The following TSHR variants were observed in gnomAD, a reference collection of about 807,000 sequenced individuals.
TSHR encodes the protein thyrotropin receptor.
TSHR carries 51 observed loss-of-function variants against 64.1 expected under a neutral mutation model. The observed-to-expected ratio is 0.80, with a 90% CI of 0.64 to 1.01. The LOEUF is 1.01. Ranked by LOEUF, TSHR falls within the 50% of genes least tolerant of loss-of-function variation. The pLI is 0.00. For synonymous variants in TSHR, 361 were observed against 361.9 expected (o/e 1.00, Z 0.03); for missense variants, 877 against 942.8 (o/e 0.93, Z 0.91).
chr14:80,982,149 G>A, intron 1 of TSHR: 1 of 578,688 alleles, frequency 1.7e-6, no homozygotes, highest in South Asian at 2.0e-5. Context: ...GACAGATGCA[G>A]TGGCAGAGAT....
Position 81,008,179 on chromosome 14 carries a change from T to A in TSHR, c.170+52329T>A, listed in dbSNP as rs1210062110. The stretch of plus-strand genomic sequence containing the variant: ...TGTAGACCATTTTCTTTCTTTCTTT[T>A]TTTTTTTTTTTGAGATGGAGTCTCG... On this transcript the variant is annotated intron_variant, in intron 1 of 9. Coordinates refer to ENST00000298171, the MANE Select transcript of TSHR (RefSeq NM_000369.5). 2.7e-4 allele frequency among the ~76,000 whole-genome samples: 41 copies of A among 150,766 alleles called. 1 individual carries two copies. Among genetic ancestry groups the A allele is most frequent in the Admixed American group, 2.6e-3 (40 of 15,160 alleles).
At chr14:81,132,641 G>A (rs977134705) in intron 8 of TSHR, among the ~76,000 whole-genome samples, 2 of 152,152 alleles carry the variant, frequency 1.3e-5, no homozygotes, top group Non-Finnish European at 2.9e-5. Flanking sequence ...ACTCAGCTCA[G>A]CTGCATTCTG....
At chr14:81,119,454 A>T (rs1890690065) in intron 8 of TSHR, among the ~76,000 whole-genome samples, 1 of 142,422 alleles carries the variant, frequency 7.0e-6, no homozygotes, top group Admixed American at 6.9e-5. Context: ...GCCATCAGAG[A>T]AATGCAAATC....
intron 1 of TSHR, chr14:80,991,618 G>A (rs1888728949): frequency 2.5e-6 from 1 of 398,438 alleles, no homozygotes; most frequent in African/African-American, 2.1e-5. Context: ...TTAAATCCCA[G>A]TCAAGAGGAA....
Position 81,143,186 on chromosome 14 carries a change from G to T in TSHR, c.1128G>T (p.Glu376Asp). Residue 376 changes from glutamate (E) to aspartate (D), a missense_variant, in exon 10 of 10, where the codon GAG becomes GAT. Physicochemically the swap from Glu to Asp is conservative, Grantham distance 45. Coordinates refer to ENST00000298171, the MANE Select transcript of TSHR (RefSeq NM_000369.5). ...FGQELKNPQE[E>D]TLQAFDSHYD... ...AGGAGCTCAAAAACCCCCAGGAAGA[G>T]ACTCTACAAGCTTTTGACAGCCATT... 2.5e-6 allele frequency: 4 copies of T among 1,614,182 alleles called. No homozygotes were observed. Among genetic ancestry groups the T allele is most frequent in the Non-Finnish European group, 3.4e-6 (4 of 1,180,034 alleles).
intron 1 of TSHR, among the ~76,000 whole-genome samples, chr14:80,969,031 G>T (rs958204926): frequency 6.6e-6 from 1 of 152,172 alleles, no homozygotes; most frequent in Non-Finnish European, 1.5e-5. Flanking sequence ...GTGATGGTGA[G>T]ATGAGCCAAT....
chr14:81,131,045 G>A (rs1891227030), intron 8 of TSHR, among the ~76,000 whole-genome samples: 1 of 150,300 alleles, frequency 6.7e-6, no homozygotes, highest in African/African-American at 2.4e-5. Context: ...GTCACCATCT[G>A]GATGTCTAAT....
At chr14:81,093,737 C>T (rs1034798574) in intron 6 of TSHR, 2 of 152,074 alleles carry the variant, frequency 1.3e-5, no homozygotes, top group African/African-American at 4.8e-5. Flanking sequence ...GTGAGCGGTC[C>T]CTTGAAAAGA....
At chr14:81,072,621 C>T (rs796253865) in intron 3 of TSHR, among the ~76,000 whole-genome samples, 2 of 152,176 alleles carry the variant, frequency 1.3e-5, no homozygotes, top group East Asian at 1.9e-4. Flanking sequence ...TTTACATTAA[C>T]TGCATTAAAT....
chr14:81,114,245 T>G (rs1181595408), intron 8 of TSHR, among the ~76,000 whole-genome samples: 2 of 151,960 alleles, frequency 1.3e-5, no homozygotes, highest in South Asian at 4.2e-4. Flanking sequence ...GACGGGTGAT[T>G]TCTGCATTTC....
chr14:81,108,749 T>A (rs768794400), intron 8 of TSHR: 48 of 1,609,110 alleles, frequency 3.0e-5, no homozygotes, highest in Non-Finnish European at 4.0e-5. Context: ...AGCTGCTGTT[T>A]GAAAAATTTT....
At chr14:81,127,962 G>A (rs964946371) in intron 8 of TSHR, among the ~76,000 whole-genome samples, 1 of 152,154 alleles carries the variant, frequency 6.6e-6, no homozygotes, top group African/African-American at 2.4e-5. Flanking sequence ...TCACTGTGTG[G>A]TAGAATGCTG....
chr14:80,973,249 CAA>C (rs1256946968), intron 1 of TSHR, among the ~76,000 whole-genome samples: 1 of 151,484 alleles, frequency 6.6e-6, no homozygotes, highest in Non-Finnish European at 1.5e-5. Flanking sequence ...ACTAAAAATA[CAA>C]AAAATTAGCC....
At chr14:81,099,755 A>G (rs1889451910) in intron 7 of TSHR, among the ~76,000 whole-genome samples, 1 of 152,220 alleles carries the variant, frequency 6.6e-6, no homozygotes, top group South Asian at 2.1e-4. Context: ...AAGAATTGGT[A>G]TTGAACTTAG....
At chr14:81,104,620 G>A (rs1206524862) in intron 7 of TSHR, 3 of 985,292 alleles carry the variant, frequency 3.0e-6, no homozygotes, top group Non-Finnish European at 3.6e-6. Flanking sequence ...TGCCACGAGT[G>A]AGTCCAACAG....
Position 81,130,762 on chromosome 14 carries a change from C to T in TSHR, c.693-8917C>T, listed in dbSNP as rs1229462322. Among the ~76,000 whole-genome samples the T allele has an allele frequency of 1.9e-4, 17 of 91,022 alleles. 4 individuals are homozygous for T. Among genetic ancestry groups the T allele is most frequent in the African/African-American group, 1.1e-3 (12 of 11,044 alleles). The allele number at this position is 91,022 out of a possible 152,430, so 59.7% of individuals were successfully genotyped here. A position where few individuals can be genotyped will look rare whatever the true frequency, so the allele number is the denominator to read the frequency against. On this transcript the variant is annotated intron_variant, in intron 8 of 9. Coordinates refer to ENST00000298171, the MANE Select transcript of TSHR (RefSeq NM_000369.5). ...ATCCCAGCACTTTGGGAGGCCGAGG[C>T]GGGTGGATCATGAGGTCAGGAGATC...
intron 1 of TSHR, among the ~76,000 whole-genome samples, chr14:81,005,409 T>G (rs991494939): frequency 2.0e-5 from 3 of 151,414 alleles, no homozygotes; most frequent in Non-Finnish European, 4.4e-5. Context: ...TCAAAAAGCA[T>G]GAATTTTTAA....
chr14:81,025,770 A>G (rs1370002589), intron 1 of TSHR, among the ~76,000 whole-genome samples: 1 of 152,182 alleles, frequency 6.6e-6, no homozygotes, highest in African/African-American at 2.4e-5. Flanking sequence ...GAAAAAAGCC[A>G]AAAGCAACAA....
In TSHR at chr14:81,145,767, A is replaced by G. The variant is rs889345141; in HGVS notation, c.*1414A>G. 7 of 232,876 alleles carry G rather than the reference A, an allele frequency of 3.0e-5. No individual in the cohort carries two copies. The highest frequency in any genetic ancestry group is 4.2e-5 in the Non-Finnish European group (5 of 117,958). The allele number at this position is 232,876 out of a possible 1,614,324, so 14.4% of individuals were successfully genotyped here. On this transcript the variant is annotated 3_prime_UTR_variant, in exon 10 of 10. Transcript: ENST00000298171. ...TTCTTTTCCCCAATAATTCTTCTTTACTTAAAATAGTCAGGATCTTTATCT... is the reference window on the plus strand; with the variant it reads ...TTCTTTTCCCCAATAATTCTTCTTTGCTTAAAATAGTCAGGATCTTTATCT...
Sources: gnomAD v4.1 joint callset for allele counts (sites outside exome capture counted in the v4.1 genomes callset) on GRCh38, gnomAD v4.1.1 for gene constraint, MANE v1.5 for transcripts, NCBI Gene and HGNC (gene_info 2026-07-23, HGNC 2026-07-21) for gene names.